The following KLHDC4 variants were observed in gnomAD, a reference collection of about 807,000 sequenced individuals.
KLHDC4 encodes the protein kelch domain containing 4, also known as kelch domain-containing protein 4.
KLHDC4 carries 90 observed loss-of-function variants against 62.4 expected under a neutral mutation model. The ratio of observed to expected loss-of-function variants is 1.44; its 90% CI spans 1.22 to 1.72. The LOEUF is 1.72. Ranked by LOEUF, KLHDC4 falls within the 40% of genes most tolerant of loss-of-function variation. The pLI is 0.00. For synonymous variants in KLHDC4, 386 were observed against 284.4 expected (o/e 1.36, Z -3.59); for missense variants, 1,025 against 699.7 (o/e 1.47, Z -5.25).
chr16:87,745,861 G>C (rs373072947), intron 5 of KLHDC4, among the ~76,000 whole-genome samples: 1 of 152,294 alleles, frequency 6.6e-6, no homozygotes, highest in East Asian at 1.9e-4. Flanking sequence ...ACCGCTGTGC[G>C]TCTCGTCAGG....
chr16:87,761,654 A>G (rs1165026290), intron 2 of KLHDC4, among the ~76,000 whole-genome samples: 2 of 152,218 alleles, frequency 1.3e-5, no homozygotes, highest in Non-Finnish European at 2.9e-5. Context: ...AGAACCAAAG[A>G]AAAGCTCACT....
chr16:87,709,848 T>C (rs1256390928), intron 9 of KLHDC4, 181 bp from the exon 10 acceptor site: 1 of 687,946 alleles, frequency 1.5e-6, no homozygotes, highest in Non-Finnish European at 2.4e-6. Flanking sequence ...AGGAGCACGC[T>C]CCTGTCTCCC....
chr16:87,704,174 G>A (rs769230115), downstream of KLHDC4, among the ~76,000 whole-genome samples: 43 of 152,344 alleles, frequency 2.8e-4, no homozygotes, highest in South Asian at 2.5e-3. Context: ...TCCAACACCC[G>A]AGTGCCACGT....
At chr16:87,731,470 GATGGAAAAAGGCCA>G (rs556993222) in intron 5 of KLHDC4, among the ~76,000 whole-genome samples, 240 of 152,014 alleles carry the variant, frequency 1.6e-3, no homozygotes, top group African/African-American at 5.2e-3. Flanking sequence ...GGGGAAAAAA[GATGGAAAAAGGCCA>G]ATGAAAAAAG....
At chr16:87,705,525 A>C (rs1461049557), downstream of KLHDC4, among the ~76,000 whole-genome samples, 1 of 152,258 alleles carries the variant, frequency 6.6e-6, no homozygotes, top group Non-Finnish European at 1.5e-5. Flanking sequence ...CTGTGTAAGA[A>C]AGTGTACAAG....
intron 1 of KLHDC4, chr16:87,762,253 T>C (rs1007180470): frequency 3.1e-6 from 3 of 954,998 alleles, no homozygotes; most frequent in Non-Finnish European, 1.5e-6. Context: ...AGGGTAGATG[T>C]GTGCACCAAG....
chr16:87,713,685 G>C (rs566690084), intron 8 of KLHDC4, among the ~76,000 whole-genome samples: 1 of 152,172 alleles, frequency 6.6e-6, no homozygotes, highest in Non-Finnish European at 1.5e-5. Context: ...CCCACGCCCA[G>C]GAACATGAAA....
intron 7 of KLHDC4, among the ~76,000 whole-genome samples, chr16:87,720,728 T>G (rs2038124332): frequency 6.6e-6 from 1 of 152,206 alleles, no homozygotes; most frequent in Non-Finnish European, 1.5e-5. Flanking sequence ...TCGGTTACGG[T>G]TAGCATCACT....
chr16:87,710,973 G>A (rs1024276837), intron 9 of KLHDC4: 13 of 476,670 alleles, frequency 2.7e-5, no homozygotes, highest in Admixed American at 6.6e-5. Flanking sequence ...GGGCCGGGGA[G>A]GTCCCGGGCA....
intron 7 of KLHDC4, among the ~76,000 whole-genome samples, chr16:87,718,739 G>A (rs1347426559): frequency 2.0e-5 from 3 of 149,888 alleles, no homozygotes; most frequent in Non-Finnish European, 4.4e-5. Context: ...TGGGAAGTGA[G>A]GAGCGCCTCT....
Position 87,714,798 on chromosome 16 carries a change from C to T in KLHDC4, c.760-225G>A, listed in dbSNP as rs547845866. Among the ~76,000 whole-genome samples the T allele has an allele frequency of 8.5e-5, 13 of 152,292 alleles. No individual in the cohort carries two copies. The South Asian group carries it at 1.9e-3, about 22-fold the overall frequency. Reference sequence around the variant, plus strand: ...GAAGAGGCCACCTTTCTAATGGCCGCGATCACACAGTACACTAGAGTTCCT... The same window carrying T: ...GAAGAGGCCACCTTTCTAATGGCCGTGATCACACAGTACACTAGAGTTCCT... On this transcript the variant is annotated intron_variant, in intron 7 of 11. Coordinates refer to ENST00000270583, the MANE Select transcript of KLHDC4 (RefSeq NM_017566.4).
intron 1 of KLHDC4, among the ~76,000 whole-genome samples, chr16:87,763,254 T>A (rs1351346214): frequency 6.6e-6 from 1 of 152,212 alleles, no homozygotes; most frequent in Non-Finnish European, 1.5e-5. Flanking sequence ...TCTTCAATCT[T>A]TTATTACACA....
At position 87,733,281 on chromosome 16, in the gene KLHDC4, G is replaced by A. The variant is rs73244225; in HGVS notation, c.507-2637C>T. 9.7e-3 allele frequency among the ~76,000 whole-genome samples: 1,481 copies of A among 152,342 alleles called. 25 individuals carry two copies. Among genetic ancestry groups the A allele is most frequent in the African/African-American group, 0.034 (1,403 of 41,580 alleles). The stretch of plus-strand genomic sequence containing the variant: ...CCCAGCAGTCCTCCAGTGAGCAGGC[G>A]TGACTTTCACAACCAGAGAGAGGAG... On this transcript the variant is annotated intron_variant, in intron 5 of 11. Transcript: ENST00000270583.
intron 5 of KLHDC4, among the ~76,000 whole-genome samples, chr16:87,747,895 C>T (rs928250637): frequency 3.3e-5 from 5 of 152,216 alleles, no homozygotes; most frequent in Non-Finnish European, 7.3e-5. Context: ...CTGTGTGCGG[C>T]GGCCTCTATC....
At chr16:87,731,825 G>T (rs1438950805) in intron 5 of KLHDC4, among the ~76,000 whole-genome samples, 1 of 152,210 alleles carries the variant, frequency 6.6e-6, no homozygotes, top group Non-Finnish European at 1.5e-5. Context: ...TGAACAGCAT[G>T]TGGTGCTCCC....
chr16:87,751,815 T>G (rs960643464), intron 4 of KLHDC4, among the ~76,000 whole-genome samples: 4 of 152,136 alleles, frequency 2.6e-5, no homozygotes, highest in Admixed American at 2.0e-4. Flanking sequence ...GGCTCACGCC[T>G]GTAATCCCAG....
At chr16:87,762,172 G>A (rs1164870983) in intron 1 of KLHDC4, 132 bp from the exon 2 acceptor site, 44 of 1,481,674 alleles carry the variant, frequency 3.0e-5, no homozygotes, top group Middle Eastern at 2.5e-4. Context: ...AACATACTGT[G>A]CCTGTTTGAA....
chr16:87,755,183 G>C lies in KLHDC4; in HGVS notation c.369+11C>G, dbSNP rs773965770. ...AGAGGGAGGGTGGCTGAGAGTCAGT[G>C]CTGACATTACCTGGTGAGCACAGCG... On this transcript the variant is annotated intron_variant, in intron 4 of 11. Transcript: ENST00000270583. 4 of 1,584,660 alleles carry C rather than the reference G, an allele frequency of 2.5e-6. No homozygotes were observed. Among genetic ancestry groups the C allele is most frequent in the South Asian group, 2.2e-5 (2 of 90,478 alleles).
At chr16:87,718,088 C>T (rs1263538737) in intron 7 of KLHDC4, among the ~76,000 whole-genome samples, 2 of 152,166 alleles carry the variant, frequency 1.3e-5, no homozygotes, top group South Asian at 2.1e-4. Flanking sequence ...CTTCTAACTC[C>T]TCCTTCTACA....
Sources: allele counts gnomAD v4.1 joint callset (sites outside exome capture counted in the v4.1 genomes callset), GRCh38; gene constraint gnomAD v4.1.1; transcripts MANE v1.5; gene names NCBI Gene and HGNC (gene_info 2026-07-23, HGNC 2026-07-21).